ORAI3: variants seen among roughly 807,000 people sequenced by gnomAD.
ORAI3 encodes protein orai-3.
A neutral mutation model predicts 17.2 loss-of-function variants in ORAI3; 15 were observed. That is an observed-to-expected ratio of 0.87 (90% CI 0.58 to 1.34). The LOEUF (loss-of-function observed/expected upper bound fraction) is 1.34, where lower values mean the gene tolerates loss of function less well. ORAI3 is among the 40% of genes most tolerant of loss of function. The pLI is 0.00. For synonymous variants in ORAI3, 178 were observed against 172.4 expected (o/e 1.03, Z -0.25); for missense variants, 405 against 396.7 (o/e 1.02, Z -0.18).
At position 30,949,095 on chromosome 16, in the gene ORAI3, G is replaced by A; in HGVS notation, c.-195G>A. 1 of 472,040 alleles carries A rather than the reference G, an allele frequency of 2.1e-6. No individual in the cohort carries two copies. The allele number at this position is 472,040 out of a possible 1,614,324, so 29.2% of individuals were successfully genotyped here. ...TTCCTGTTTTGGCCTCCGCTGTCCCGCTCCGGCTCCTGGGGCTCCCCGCAG... is the reference window on the plus strand; with the variant it reads ...TTCCTGTTTTGGCCTCCGCTGTCCCACTCCGGCTCCTGGGGCTCCCCGCAG... On this transcript the variant is annotated 5_prime_UTR_variant, in exon 1 of 2. Transcript: ENST00000318663.
intron 1 of ORAI3, among the ~76,000 whole-genome samples, chr16:30,951,294 T>G (rs1400975984): frequency 6.6e-6 from 1 of 152,202 alleles, no homozygotes; most frequent in African/African-American, 2.4e-5. Context: ...CACCAGGCAC[T>G]GCCCTCAGTG....
chr16:30,953,666 C>A lies in ORAI3; in HGVS notation c.710C>A (p.Ala237Asp). ...PPRQACGGGG[A>D]HGPGWQAAMA... ...CGGCAAGCCTGTGGTGGTGGTGGGG[C>A]CCATGGGCCAGGCTGGCAAGCAGCC... The change falls in exon 2 of 2, where the codon GCC becomes GAC. Residue 237 changes from alanine to aspartate, a missense_variant. Coordinates refer to ENST00000318663, the MANE Select transcript of ORAI3 (RefSeq NM_152288.3). The A allele has an allele frequency of 9.9e-6, 16 of 1,614,112 alleles. No homozygotes were observed. The highest frequency in any genetic ancestry group is 4.0e-5 in the African/African-American group (3 of 75,058).
chr16:30,951,528 T>C (rs1246480393), intron 1 of ORAI3, among the ~76,000 whole-genome samples: 1 of 152,076 alleles, frequency 6.6e-6, no homozygotes, highest in Non-Finnish European at 1.5e-5. Context: ...AGGCAGGTAA[T>C]ATGGATGCCA....
chr16:30,950,986 C>G (rs983018158), intron 1 of ORAI3, among the ~76,000 whole-genome samples: 1 of 152,190 alleles, frequency 6.6e-6, no homozygotes, highest in Non-Finnish European at 1.5e-5. Flanking sequence ...GGCCGCAGTC[C>G]TAGCAGGGGT....
chr16:30,949,144 G>T lies in ORAI3; in HGVS notation c.-146G>T, dbSNP rs1448887113. ...AGACGCTGCTTTTCTTGCTCCACTG[G>T]GGGTGCCTCTTCCTGGGCGCCCGCC... On this transcript the variant is annotated 5_prime_UTR_variant, in exon 1 of 2. Transcript: ENST00000318663. 3.8e-6 allele frequency: 2 copies of T among 522,494 alleles called. No individual in the cohort carries two copies. The highest frequency in any genetic ancestry group is 6.4e-6 in the Non-Finnish European group (2 of 310,560). The allele number at this position is 522,494 out of a possible 1,614,324, so 32.4% of individuals were successfully genotyped here.
Position 30,953,629 on chromosome 16 carries a change from G to A in ORAI3, c.673G>A (p.Ala225Thr). The change falls in exon 2 of 2, where the codon GCC becomes ACC. Residue 225 changes from alanine to threonine, a missense_variant. Coordinates refer to ENST00000318663, the MANE Select transcript of ORAI3 (RefSeq NM_152288.3). ...ASAAPSQAEP[A>T]CPPRQACGGG... ...TGCAGCACCGTCCCAAGCTGAGCCA[G>A]CCTGCCCACCCCGGCAAGCCTGTGG... 1 of 1,613,816 alleles carries A rather than the reference G, an allele frequency of 6.2e-7. No homozygotes were observed. The highest frequency in any genetic ancestry group is 2.2e-5 in the East Asian group (1 of 44,864).
At chr16:30,950,589 G>T (rs988424312) in intron 1 of ORAI3, among the ~76,000 whole-genome samples, 1 of 152,166 alleles carries the variant, frequency 6.6e-6, no homozygotes, top group South Asian at 2.1e-4. Context: ...GGACCATGGC[G>T]CTAGGGGATC....
intron 1 of ORAI3, among the ~76,000 whole-genome samples, chr16:30,950,305 C>T (rs895775452): frequency 4.6e-5 from 7 of 152,148 alleles, no homozygotes; most frequent in Non-Finnish European, 7.4e-5. Flanking sequence ...GGTGCGCCCT[C>T]TGTAGCCAGC....
At position 30,954,744 on chromosome 16, in the gene ORAI3, T is replaced by G. The variant is rs2055943788; in HGVS notation, c.*900T>G. 1 of 152,618 alleles carries G rather than the reference T, an allele frequency of 6.6e-6. No individual in the cohort carries two copies. The highest frequency in any genetic ancestry group is 2.4e-5 in the African/African-American group (1 of 41,430). 9.5% of individuals were successfully genotyped at this position (152,618 alleles called of 1,614,324 possible). On this transcript the variant is annotated 3_prime_UTR_variant, in exon 2 of 2. Transcript: ENST00000318663. ...CCTAGCCCCACGCTATGCACCAAAC[T>G]TGTTCTCCCCGTCCTGGTCCAGGGC... is the stretch of plus-strand genomic sequence containing the variant.
Position 30,953,165 on chromosome 16 carries a change from A to C in ORAI3, c.229-20A>C, listed in dbSNP as rs2055932256. 6.4e-7 allele frequency: 1 copy of C among 1,559,228 alleles called. No homozygotes were observed. The highest frequency in any genetic ancestry group is 1.9e-5 in the Admixed American group (1 of 52,838). On this transcript the variant is annotated intron_variant, in intron 1 of 1. Transcript: ENST00000318663. ...GTTGAGGTTATGGGGAGATCAGTAC[A>C]TCCCCTCTTGTCCCTGCAGGTGGCC...
At position 30,954,571 on chromosome 16, in the gene ORAI3, TGTTGTAG is replaced by T; in HGVS notation, c.*728_*734del. 1 of 166,090 alleles carries T rather than the reference TGTTGTAG, an allele frequency of 6.0e-6. No individual in the cohort carries two copies. 10.3% of individuals were successfully genotyped at this position (166,090 alleles called of 1,614,324 possible). On this transcript the variant is annotated 3_prime_UTR_variant, in exon 2 of 2. Transcript: ENST00000318663. Reference sequence around the variant, plus strand: ...ATGGGTTCCACATTCTTGCTTTAGTTGTTGTAGAGGGATTTGGGTGTTTCTACCCAAG... The same window carrying T: ...ATGGGTTCCACATTCTTGCTTTAGTTAGGGATTTGGGTGTTTCTACCCAAG...
At chr16:30,952,261 A>C (rs1376612431) in intron 1 of ORAI3, among the ~76,000 whole-genome samples, 1 of 150,672 alleles carries the variant, frequency 6.6e-6, no homozygotes, top group Non-Finnish European at 1.5e-5. Context: ...CAAGCTCCTG[A>C]GTAGCCGGGA....
Position 30,953,784 on chromosome 16 carries a change from CCG to C in ORAI3, c.830_831del (p.Arg277LeufsTer106). 1.9e-6 allele frequency: 3 copies of C among 1,613,844 alleles called. No homozygotes were observed. The highest frequency in any genetic ancestry group is 2.2e-5 in the South Asian group (2 of 91,082). On this transcript the variant is annotated frameshift_variant, in exon 2 of 2. Transcript: ENST00000318663. LOFTEE classifies it high-confidence loss of function. ...YRSLVAHKTDRYKQELEELNR... is the reference protein window; with the variant it reads ...YRSLVAHKTDXYKQELEELNR... ...GCTCCTTGGTGGCACACAAGACAGA[CCG>C]CTACAAGCAGGAACTAGAGGAACTG...
At position 30,953,790 on chromosome 16, in the gene ORAI3, C is replaced by T. The variant is rs767252869; in HGVS notation, c.834C>T (p.Tyr278=). 1.9e-6 allele frequency: 3 copies of T among 1,613,790 alleles called. No homozygotes were observed. Among genetic ancestry groups the T allele is most frequent in the Non-Finnish European group, 2.5e-6 (3 of 1,179,966 alleles). ...RSLVAHKTDR[Y]KQELEELNRL... Reference sequence around the variant, plus strand: ...TGGTGGCACACAAGACAGACCGCTACAAGCAGGAACTAGAGGAACTGAATC... The same window carrying T: ...TGGTGGCACACAAGACAGACCGCTATAAGCAGGAACTAGAGGAACTGAATC... The change falls in exon 2 of 2, where the codon TAC becomes TAT. Residue 278 remains tyrosine (Y), a synonymous_variant. Coordinates refer to ENST00000318663, the MANE Select transcript of ORAI3 (RefSeq NM_152288.3).
chr16:30,949,246 G>C lies in ORAI3; in HGVS notation c.-44G>C. 1 of 1,321,224 alleles carries C rather than the reference G, an allele frequency of 7.6e-7. No individual in the cohort carries two copies. The highest frequency in any genetic ancestry group is 9.7e-7 in the Non-Finnish European group (1 of 1,027,984). 81.8% of individuals were successfully genotyped at this position (1,321,224 alleles called of 1,614,324 possible). On this transcript the variant is annotated 5_prime_UTR_variant, in exon 1 of 2. Transcript: ENST00000318663. ...CCGGCCCGGCTGGGGCCCCCGAGGC[G>C]CTTCCGCCCCGTAGTGACCGCCTGG...
chr16:30,953,598 T>C lies in ORAI3; in HGVS notation c.642T>C (p.Ser214=). Residue 214 remains serine (S), a synonymous_variant, in exon 2 of 2, where the codon TCT becomes TCC. Transcript: ENST00000318663. ...LSPASNLPRS[S]ASAAPSQAEP... ...CAGCTTCCAATCTCCCACGGTCCTCTGCGTCTGCAGCACCGTCCCAAGCTG... is the reference window on the plus strand; with the variant it reads ...CAGCTTCCAATCTCCCACGGTCCTCCGCGTCTGCAGCACCGTCCCAAGCTG... 1.2e-6 allele frequency: 2 copies of C among 1,614,198 alleles called. No individual in the cohort carries two copies. The highest frequency in any genetic ancestry group is 1.7e-6 in the Non-Finnish European group (2 of 1,180,026).
Position 30,949,744 on chromosome 16 carries a change from TGTC to T in ORAI3, c.228+230_228+232del, listed in dbSNP as rs1275256832. ...CCGGAGGACACGAAAGTCCTAAAGG[TGTC>T]GTAGTGGGAGTGGGGTGAACAAATC... On this transcript the variant is annotated intron_variant, in intron 1 of 1. Coordinates refer to ENST00000318663, the MANE Select transcript of ORAI3 (RefSeq NM_152288.3). 3 of 527,580 alleles carry T rather than the reference TGTC, an allele frequency of 5.7e-6. No homozygotes were observed. In the African/African-American group the frequency reaches 6.0e-5, roughly 11 times the overall value. The allele number at this position is 527,580 out of a possible 1,614,324, so 32.7% of individuals were successfully genotyped here.
Position 30,953,177 on chromosome 16 carries a change from C to A in ORAI3, c.229-8C>A, listed in dbSNP as rs779181098. 1 of 1,568,624 alleles carries A rather than the reference C, an allele frequency of 6.4e-7. No individual in the cohort carries two copies. The highest frequency in any genetic ancestry group is 8.6e-7 in the Non-Finnish European group (1 of 1,157,984). On this transcript the variant is annotated splice_region_variant and splice_polypyrimidine_tract_variant and intron_variant, in intron 1 of 1. Coordinates refer to ENST00000318663, the MANE Select transcript of ORAI3 (RefSeq NM_152288.3). The stretch of plus-strand genomic sequence containing the variant: ...GGGAGATCAGTACATCCCCTCTTGT[C>A]CCTGCAGGTGGCCATGGTGGAGGTG...
chr16:30,949,195 G>C lies in ORAI3; in HGVS notation c.-95G>C, dbSNP rs990101164. On this transcript the variant is annotated 5_prime_UTR_variant, in exon 1 of 2. Transcript: ENST00000318663. ...GCCTGCATCCTGCTCGTCCTGTCTG[G>C]GAATGGGGCCGCCCCCGGGCTTGGG... is the stretch of plus-strand genomic sequence containing the variant. The C allele has an allele frequency of 8.1e-6, 7 of 865,624 alleles. No homozygotes were observed. Among genetic ancestry groups the C allele is most frequent in the Non-Finnish European group, 9.7e-6 (6 of 617,112 alleles). The allele number at this position is 865,624 out of a possible 1,614,324, so 53.6% of individuals were successfully genotyped here.
Sources: allele counts gnomAD v4.1 joint callset (sites outside exome capture counted in the v4.1 genomes callset), GRCh38; gene constraint gnomAD v4.1.1; transcripts MANE v1.5; gene names NCBI Gene and HGNC (gene_info 2026-07-23, HGNC 2026-07-21).